Variants in FER observed in about 807,000 individuals in gnomAD.
The protein encoded by FER is FER tyrosine kinase.
In FER, 63 loss-of-function variants were observed where a neutral mutation model predicts 111.0. That is an observed-to-expected ratio of 0.57 (90% CI 0.46 to 0.70). The LOEUF (loss-of-function observed/expected upper bound fraction) is 0.70, where lower values mean the gene tolerates loss of function less well. FER is among the 30% of genes least tolerant of loss of function. FER has a pLI of 0.00. For synonymous variants in FER, 327 were observed against 313.9 expected, an observed-to-expected ratio of 1.04 and a Z score of -0.44; for missense variants, 914 against 954.0, an observed-to-expected ratio of 0.96 and a Z score of 0.55.
At chr5:108,751,762 G>T (rs967792925) in intron 1 of FER, among the ~76,000 whole-genome samples, 3 of 152,106 alleles carry the variant, frequency 2.0e-5, no homozygotes, top group Non-Finnish European at 4.4e-5. Flanking sequence ...AGGACTCAAC[G>T]ATCTTGGGTG....
intron 4 of FER, 87 bp from the exon 5 acceptor site, chr5:108,835,621 A>C: frequency 1.3e-6 from 1 of 759,580 alleles, no homozygotes; most frequent in Non-Finnish European, 2.2e-6. Context: ...AGTGAAATAC[A>C]CATCAGTTAA....
chr5:109,004,087 A>AG (rs2149788162), intron 13 of FER, among the ~76,000 whole-genome samples: 1 of 152,324 alleles, frequency 6.6e-6, no homozygotes, highest in Admixed American at 6.5e-5. Context: ...TGAGGAAGTG[A>AG]GCACTCTCAT....
chr5:108,749,474 A>G (rs1433891382), intron 1 of FER, among the ~76,000 whole-genome samples: 2 of 151,632 alleles, frequency 1.3e-5, no homozygotes, highest in Non-Finnish European at 2.9e-5. Flanking sequence ...TCTCGGCGGC[A>G]CTCATCTGGG....
intron 9 of FER, among the ~76,000 whole-genome samples, chr5:108,886,797 A>G (rs1747242764): frequency 6.6e-6 from 1 of 151,730 alleles, no homozygotes; most frequent in Admixed American, 6.6e-5. Flanking sequence ...GTCAAGGTAT[A>G]ATCTTGAAAA....
At chr5:109,111,667 A>C (rs11746665) in intron 17 of FER, among the ~76,000 whole-genome samples, 20,624 of 152,090 alleles carry the variant, frequency 0.14, 1,821 homozygotes, top group Non-Finnish European at 0.2. Context: ...GGGAGGTCTC[A>C]GGAAACTTAC....
chr5:109,042,113 G>A (rs1438335328), intron 14 of FER, among the ~76,000 whole-genome samples: 1 of 152,136 alleles, frequency 6.6e-6, no homozygotes, highest in African/African-American at 2.4e-5. Context: ...AGATGAGAAA[G>A]AAGGATCAAA....
intron 17 of FER, among the ~76,000 whole-genome samples, chr5:109,146,280 ATATATATATATC>A: frequency 8.5e-6 from 1 of 117,806 alleles, no homozygotes; most frequent in Non-Finnish European, 1.8e-5. Context: ...ATATATATAT[ATATATATATATC>A]TTGGGTAGCA....
chr5:108,906,095 A>T (rs1027220130), intron 10 of FER, among the ~76,000 whole-genome samples: 3 of 152,118 alleles, frequency 2.0e-5, no homozygotes, highest in Admixed American at 6.5e-5. Context: ...TTCTGTCCCC[A>T]TTTCCCAGTG....
chr5:108,906,060 G>A (rs922400006), intron 10 of FER, among the ~76,000 whole-genome samples: 3 of 152,072 alleles, frequency 2.0e-5, no homozygotes, highest in African/African-American at 7.2e-5. Context: ...GTAAGTGCAG[G>A]GTATAAGCCA....
intron 17 of FER, among the ~76,000 whole-genome samples, chr5:109,158,997 A>G (rs114923993): frequency 0.017 from 2,620 of 152,284 alleles, 60 homozygotes; most frequent in African/African-American, 0.06. Context: ...ATGAAAAGAT[A>G]TATTGCTAGA....
At chr5:108,900,370 A>T (rs899503462) in intron 10 of FER, among the ~76,000 whole-genome samples, 17 of 152,248 alleles carry the variant, frequency 1.1e-4, no homozygotes. Flanking sequence ...TGGAAACGAA[A>T]ACAATCAAAG....
chr5:109,088,769 G>A lies in FER; in HGVS notation c.1925-11627G>A, dbSNP rs570213035. Among the ~76,000 whole-genome samples the A allele has an allele frequency of 1.8e-4, 28 of 152,138 alleles. No homozygotes were observed. In the South Asian group the frequency reaches 5.6e-3, roughly 30 times the overall value. ...TTATTTCTGGATTACCTACTAGGTA[G>A]TACCCTATCCCTTGAGTCAGCCAGT... On this transcript the variant is annotated intron_variant, in intron 16 of 19. Transcript: ENST00000281092.
chr5:108,790,660 A>T (rs1383746275), intron 2 of FER, among the ~76,000 whole-genome samples: 19 of 152,158 alleles, frequency 1.2e-4, no homozygotes, highest in Admixed American at 1.2e-3. Context: ...GCTTTTTTGA[A>T]CTATTATTTA....
chr5:108,836,497 A>G (rs894298846), intron 5 of FER, among the ~76,000 whole-genome samples: 1 of 152,078 alleles, frequency 6.6e-6, no homozygotes, highest in Non-Finnish European at 1.5e-5. Flanking sequence ...TCATATTTAT[A>G]CATTTTTTCT....
chr5:109,145,763 T>G (rs1313422372), intron 17 of FER, among the ~76,000 whole-genome samples: 1 of 152,112 alleles, frequency 6.6e-6, no homozygotes, highest in Non-Finnish European at 1.5e-5. Flanking sequence ...ATGTTATTAT[T>G]GGAACTTTAT....
rs1778107677 is a variant in FER, at chr5:109,091,010, G to A, written c.1925-9386G>A. On this transcript the variant is annotated intron_variant, in intron 16 of 19. Coordinates refer to ENST00000281092, the MANE Select transcript of FER (RefSeq NM_005246.4). ...TAAAGATGAAATTTGTAATCAAAAGGGGAACAGAGCATAAAGATTTGGAAA... is the reference window on the plus strand; with the variant it reads ...TAAAGATGAAATTTGTAATCAAAAGAGGAACAGAGCATAAAGATTTGGAAA... Among the ~76,000 whole-genome samples the A allele has an allele frequency of 2.6e-5, 4 of 152,152 alleles. No individual in the cohort carries two copies. The South Asian group carries it at 8.3e-4, about 32-fold the overall frequency.
At chr5:109,095,651 C>T (rs933392981) in intron 16 of FER, among the ~76,000 whole-genome samples, 1 of 152,044 alleles carries the variant, frequency 6.6e-6, no homozygotes, top group Non-Finnish European at 1.5e-5. Context: ...CATTCATTGT[C>T]GTTTATATTT....
chr5:109,099,532 A>C (rs1238727822), intron 16 of FER, among the ~76,000 whole-genome samples: 1 of 151,424 alleles, frequency 6.6e-6, no homozygotes, highest in Admixed American at 6.6e-5. Flanking sequence ...GATGTATCAT[A>C]AATGTAGAGT....
At chr5:108,781,916 A>AG (rs1327593707) in intron 2 of FER, among the ~76,000 whole-genome samples, 2 of 146,382 alleles carry the variant, frequency 1.4e-5, no homozygotes, top group Non-Finnish European at 3.0e-5. Flanking sequence ...CAGAAGTAAT[A>AG]GGGTTTTTTT....
Sources: allele counts gnomAD v4.1 joint callset (sites outside exome capture counted in the v4.1 genomes callset), GRCh38; gene constraint gnomAD v4.1.1; transcripts MANE v1.5; gene names NCBI Gene and HGNC (gene_info 2026-07-23, HGNC 2026-07-21).